Variants in LGR4 observed in about 807,000 individuals in gnomAD.
The protein encoded by LGR4 is leucine-rich repeat-containing G protein-coupled receptor 4.
LGR4 carries 44 observed loss-of-function variants against 84.8 expected under a neutral mutation model. The ratio of observed to expected loss-of-function variants is 0.52; its 90% confidence interval spans 0.41 to 0.67. The LOEUF (loss-of-function observed/expected upper bound fraction) is 0.67. Among genes scored for constraint, LGR4 ranks in the 30% least tolerant of loss-of-function variants. The probability of loss-of-function intolerance (pLI) is 0.00; values close to 1 mark genes in which losing one functional copy is unlikely to be tolerated. For missense variants in LGR4, 1,032 were observed against 1,131.4 expected (o/e 0.91, Z 1.26); for synonymous variants, 429 against 434.3 (o/e 0.99, Z 0.15).
Position 27,369,159 on chromosome 11 carries a change from A to G in LGR4, c.1580-16T>C, listed in dbSNP as rs1381206184. On this transcript the variant is annotated splice_polypyrimidine_tract_variant and intron_variant, in intron 17 of 17. Coordinates refer to ENST00000379214, the MANE Select transcript of LGR4 (RefSeq NM_018490.5). ...TTAAAAGCACCTAAAAAAAACACACACAGAGAGAGAGAAATAAAAGATAAC... is the reference window on the plus strand; with the variant it reads ...TTAAAAGCACCTAAAAAAAACACACGCAGAGAGAGAGAAATAAAAGATAAC... The G allele has an allele frequency of 3.2e-6, 5 of 1,539,438 alleles. No individual in the cohort carries two copies. The Admixed American group carries it at 8.5e-5, about 26-fold the overall frequency.
chr11:27,436,171 A>G (rs545870143), intron 1 of LGR4, among the ~76,000 whole-genome samples: 2 of 152,158 alleles, frequency 1.3e-5, no homozygotes, highest in Non-Finnish European at 2.9e-5. Flanking sequence ...TTGGCCTCCC[A>G]AAGTGCTGGG....
intron 2 of LGR4, among the ~76,000 whole-genome samples, chr11:27,395,747 G>C (rs1041771285): frequency 1.3e-5 from 2 of 152,294 alleles, no homozygotes; most frequent in South Asian, 2.1e-4. Context: ...ATGTATCTAC[G>C]TAAGTTTACG....
intron 4 of LGR4, among the ~76,000 whole-genome samples, chr11:27,386,441 C>T (rs1003075948): frequency 7.9e-5 from 12 of 152,182 alleles, no homozygotes; most frequent in African/African-American, 2.7e-4. Flanking sequence ...TACATTCATG[C>T]CTCACAGCCT....
intron 1 of LGR4, among the ~76,000 whole-genome samples, chr11:27,438,936 T>C (rs1044087488): frequency 6.6e-6 from 1 of 152,162 alleles, no homozygotes; most frequent in African/African-American, 2.4e-5. Context: ...TAAACATATA[T>C]ACATATATCC....
intron 1 of LGR4, among the ~76,000 whole-genome samples, chr11:27,438,310 A>G (rs1864246400): frequency 2.0e-5 from 3 of 152,136 alleles, no homozygotes; most frequent in Non-Finnish European, 1.5e-5. Flanking sequence ...AGACATTTAT[A>G]CTCTTCTGAA....
intron 1 of LGR4, 42 bp from the exon 2 acceptor site, chr11:27,412,902 T>G: frequency 1.5e-6 from 2 of 1,319,140 alleles, no homozygotes; most frequent in Non-Finnish European, 2.2e-6. Flanking sequence ...TTAAGTGGTA[T>G]GAAGCTTAAA....
At position 27,443,186 on chromosome 11, in the gene LGR4, CA is replaced by C. The variant is rs142926953; in HGVS notation, c.185+28931del. Among the ~76,000 whole-genome samples the C allele has an allele frequency of 9.8e-3, 1,499 of 152,276 alleles. 18 individuals carry two copies. Among genetic ancestry groups the C allele is most frequent in the African/African-American group, 0.034 (1,402 of 41,552 alleles). On this transcript the variant is annotated intron_variant, in intron 1 of 17. Transcript: ENST00000379214. Reference sequence around the variant, plus strand: ...GAAATCCTGGCTGATCTCTGGTCTCCAAACCCCATCTCCCACTCCATTGTCT... The same window carrying C: ...GAAATCCTGGCTGATCTCTGGTCTCCAACCCCATCTCCCACTCCATTGTCT...
intron 1 of LGR4, among the ~76,000 whole-genome samples, chr11:27,417,843 G>GA (rs1164616652): frequency 1.3e-5 from 2 of 151,960 alleles, no homozygotes; most frequent in Non-Finnish European, 2.9e-5. Flanking sequence ...TTTGCAAAAT[G>GA]AAAAAAATCT....
At chr11:27,377,542 T>C (rs1463053118) in intron 11 of LGR4, among the ~76,000 whole-genome samples, 1 of 151,726 alleles carries the variant, frequency 6.6e-6, no homozygotes, top group South Asian at 2.1e-4. Flanking sequence ...TAGAAAAATA[T>C]ACAAAATATA....
chr11:27,385,574 TATC>T (rs1169224688), intron 4 of LGR4, 106 bp from the exon 5 acceptor site: 2 of 669,280 alleles, frequency 3.0e-6, no homozygotes, highest in Non-Finnish European at 4.9e-6. Flanking sequence ...TTATAAAAAT[TATC>T]ATCTTTAATT....
intron 17 of LGR4, among the ~76,000 whole-genome samples, chr11:27,369,836 C>T (rs1024167503): frequency 6.6e-6 from 1 of 152,104 alleles, no homozygotes; most frequent in African/African-American, 2.4e-5. Context: ...GTATAATTAT[C>T]CCCATTTTTC....
intron 1 of LGR4, among the ~76,000 whole-genome samples, chr11:27,416,279 G>T (rs1388594527): frequency 6.6e-6 from 1 of 152,146 alleles, no homozygotes; most frequent in Non-Finnish European, 1.5e-5. Flanking sequence ...ACAGACCAAG[G>T]TTTACATATG....
At chr11:27,405,926 T>C (rs1863599105) in intron 2 of LGR4, among the ~76,000 whole-genome samples, 1 of 152,134 alleles carries the variant, frequency 6.6e-6, no homozygotes, top group Non-Finnish European at 1.5e-5. Flanking sequence ...AATCATTCCC[T>C]AGCTCAAAAA....
intron 11 of LGR4, 25 bp downstream of exon 11, chr11:27,378,672 G>T (rs1487161339): frequency 6.8e-7 from 1 of 1,476,672 alleles, no homozygotes; most frequent in Non-Finnish European, 9.5e-7. Flanking sequence ...AGGTATGAGG[G>T]GAAGGGAAGA....
chr11:27,392,229 G>A (rs573652248), intron 3 of LGR4, among the ~76,000 whole-genome samples: 3 of 152,198 alleles, frequency 2.0e-5, no homozygotes, highest in Non-Finnish European at 4.4e-5. Flanking sequence ...TAATATACTG[G>A]AGGTCAGAAT....
In LGR4 at chr11:27,391,130, C is replaced by T; in HGVS notation, c.365G>A (p.Ser122Asn). Residue 122 changes from serine (S) to asparagine (N), a missense_variant, in exon 4 of 18, where the codon AGT becomes AAT. Transcript: ENST00000379214. ...LQNNQLKTVP[S>N]EAIRGLSALQ... is the part of the protein sequence containing the mutation. Reference sequence around the variant, plus strand: ...AGCACTCAGCCCTCGAATGGCTTCACTGGGTACTGTTTTCAACTGATTATT... The same window carrying T: ...AGCACTCAGCCCTCGAATGGCTTCATTGGGTACTGTTTTCAACTGATTATT... The T allele has an allele frequency of 6.2e-7, 1 of 1,610,504 alleles. No homozygotes were observed. The highest frequency in any genetic ancestry group is 2.2e-5 in the East Asian group (1 of 44,764).
intron 10 of LGR4, 157 bp from the exon 11 acceptor site, chr11:27,378,925 T>G: frequency 1.7e-6 from 1 of 595,532 alleles, no homozygotes; most frequent in Non-Finnish European, 2.9e-6. Context: ...TGCAAGAAGG[T>G]GAACTGAACC....
intron 1 of LGR4, among the ~76,000 whole-genome samples, chr11:27,466,817 TC>T (rs1333597060): frequency 6.6e-6 from 1 of 152,116 alleles, no homozygotes; most frequent in African/African-American, 2.4e-5. Context: ...GGAGTCTCGC[TC>T]TGTTGCCCAG....
At chr11:27,407,153 G>C (rs1006414799) in intron 2 of LGR4, among the ~76,000 whole-genome samples, 1 of 152,090 alleles carries the variant, frequency 6.6e-6, no homozygotes, top group African/African-American at 2.4e-5. Context: ...CTGTAAAATG[G>C]TATGGCTAGA....
Sources: gnomAD v4.1 joint callset for allele counts (sites outside exome capture counted in the v4.1 genomes callset) on GRCh38, gnomAD v4.1.1 for gene constraint, MANE v1.5 for transcripts, NCBI Gene and HGNC (gene_info 2026-07-23, HGNC 2026-07-21) for gene names.